Variants in C6orf58 observed in about 807,000 individuals in gnomAD.
The protein encoded by C6orf58 is protein LEG1 homolog.
In C6orf58, 30 loss-of-function variants were observed where a neutral mutation model predicts 37.0. The observed-to-expected ratio is 0.81, with a 90% confidence interval of 0.61 to 1.10. C6orf58 has a LOEUF of 1.10. Ranked by LOEUF, C6orf58 falls within the 50% of genes least tolerant of loss-of-function variation. The pLI is 0.00. For missense variants in C6orf58, 368 were observed against 387.5 expected (o/e 0.95, Z 0.42); for synonymous variants, 143 against 134.1 (o/e 1.07, Z -0.46).
intron 4 of C6orf58, among the ~76,000 whole-genome samples, chr6:127,585,103 A>C (rs922805437): frequency 1.3e-5 from 2 of 152,228 alleles, no homozygotes; most frequent in African/African-American, 2.4e-5. Flanking sequence ...TTTCTGGAAC[A>C]TATATTAATA....
rs1775034694 is a variant in C6orf58, at chr6:127,580,271, A to G, written c.395A>G (p.Asn132Ser). The change falls in exon 3 of 6, where the codon AAT (asparagine) becomes AGT (serine). Residue 132 changes from asparagine to serine, a missense_variant. Coordinates refer to ENST00000329722, the MANE Select transcript of C6orf58 (RefSeq NM_001010905.3). ...AAATCTTTTGTTCTTACAGATTTGA[A>G]TTATTTTCTGTCTTCATTACCCTTT... Reference protein sequence around the residue: ...ISVDSWWADLNYFLSSLPFLA... With the variant: ...ISVDSWWADLSYFLSSLPFLA... 1.9e-6 allele frequency: 3 copies of G among 1,608,622 alleles called. No individual in the cohort carries two copies. Among genetic ancestry groups the G allele is most frequent in the African/African-American group, 1.3e-5 (1 of 74,738 alleles).
chr6:127,582,084 A>T (rs1775056153), intron 4 of C6orf58, among the ~76,000 whole-genome samples: 1 of 152,188 alleles, frequency 6.6e-6, no homozygotes. Flanking sequence ...GGGCATTGAC[A>T]TCACTCTCTG....
At chr6:127,582,361 T>C (rs547144178) in intron 4 of C6orf58, among the ~76,000 whole-genome samples, 6 of 152,242 alleles carry the variant, frequency 3.9e-5, no homozygotes, top group African/African-American at 1.4e-4. Context: ...AAATCAAATA[T>C]ATAAATAATA....
At position 127,581,248 on chromosome 6, in the gene C6orf58, A is replaced by G. The variant is rs553627009; in HGVS notation, c.640A>G (p.Thr214Ala). 6 of 1,527,044 alleles carry G rather than the reference A, an allele frequency of 3.9e-6. No homozygotes were observed. Among genetic ancestry groups the G allele is most frequent in the East Asian group, 2.4e-5 (1 of 41,728 alleles). 94.6% of individuals were successfully genotyped at this position (1,527,044 alleles called of 1,614,324 possible). A position where few individuals can be genotyped will look rare whatever the true frequency, so the allele number is the denominator to read the frequency against. The change falls in exon 4 of 6, where the codon ACC (threonine) becomes GCC (alanine). Residue 214 changes from threonine to alanine, a missense_variant. Physicochemically the swap from Thr to Ala is moderately conservative, Grantham distance 58 (BLOSUM62 0). Transcript: ENST00000329722. ...GTACTTATGGGCTGCACACACTTCA[A>G]CCTTGGCAGATAATATCAAAAGTTT... ...LKYLWAAHTS[T>A]LADNIKSFED...
intron 4 of C6orf58, among the ~76,000 whole-genome samples, chr6:127,586,741 A>T (rs576778631): frequency 6.6e-6 from 1 of 152,216 alleles, no homozygotes; most frequent in Non-Finnish European, 1.5e-5. Flanking sequence ...GTATTATTGA[A>T]GTCAAGAGAG....
chr6:127,586,136 C>T (rs1355555826), intron 4 of C6orf58, among the ~76,000 whole-genome samples: 2 of 152,124 alleles, frequency 1.3e-5, no homozygotes, highest in Admixed American at 6.5e-5. Context: ...ACTGATAAAT[C>T]TATGAATTAT....
intron 4 of C6orf58, among the ~76,000 whole-genome samples, chr6:127,588,384 A>C (rs533097918): frequency 1.2e-4 from 19 of 152,320 alleles, no homozygotes; most frequent in African/African-American, 4.6e-4. Flanking sequence ...AATTGTAGGG[A>C]TTGGAGAACA....
chr6:127,585,219 T>A (rs1237365846), intron 4 of C6orf58, among the ~76,000 whole-genome samples: 1 of 152,214 alleles, frequency 6.6e-6, no homozygotes, highest in Non-Finnish European at 1.5e-5. Context: ...AACATCTCTC[T>A]TTTTGTAAGG....
At chr6:127,587,164 G>A (rs531535119) in intron 4 of C6orf58, among the ~76,000 whole-genome samples, 5 of 152,012 alleles carry the variant, frequency 3.3e-5, no homozygotes, top group South Asian at 2.1e-4. Context: ...TGTTCCCCAC[G>A]TGTTCTGATT....
Position 127,590,338 on chromosome 6 carries a change from A to T in C6orf58, c.913+13A>T. 6.7e-7 allele frequency: 1 copy of T among 1,485,658 alleles called. No homozygotes were observed. The highest frequency in any genetic ancestry group is 9.3e-7 in the Non-Finnish European group (1 of 1,075,122). 92.0% of individuals were successfully genotyped at this position (1,485,658 alleles called of 1,614,324 possible). Reference sequence around the variant, plus strand: ...GATAAATCTATAGGTAAGAACCTTAAAAGGATACTTTTAAAAATCAGTATT... The same window carrying T: ...GATAAATCTATAGGTAAGAACCTTATAAGGATACTTTTAAAAATCAGTATT... On this transcript the variant is annotated intron_variant, in intron 5 of 5. Coordinates refer to ENST00000329722, the MANE Select transcript of C6orf58 (RefSeq NM_001010905.3).
intron 4 of C6orf58, among the ~76,000 whole-genome samples, chr6:127,588,726 C>T (rs1775131126): frequency 6.6e-6 from 1 of 152,142 alleles, no homozygotes; most frequent in South Asian, 2.1e-4. Flanking sequence ...TTCTTCACTG[C>T]TCTTGTGATT....
chr6:127,589,715 T>G (rs2114301419), intron 4 of C6orf58, among the ~76,000 whole-genome samples: 1 of 152,304 alleles, frequency 6.6e-6, no homozygotes, highest in South Asian at 2.1e-4. Flanking sequence ...ACAAAGGATA[T>G]TTGAGTCTAG....
At position 127,581,350 on chromosome 6, in the gene C6orf58, TTTC is replaced by T. The variant is rs1583128310; in HGVS notation, c.674+79_674+81del. On this transcript the variant is annotated intron_variant, in intron 4 of 5. Coordinates refer to ENST00000329722, the MANE Select transcript of C6orf58 (RefSeq NM_001010905.3). Reference sequence around the variant, plus strand: ...TAATTTTGGGCATTATTTATATATTTTTCTTCTTCTTCTAGAGTGTTTTTCAAT... The same window carrying T: ...TAATTTTGGGCATTATTTATATATTTTTCTTCTTCTAGAGTGTTTTTCAAT... 7 of 620,332 alleles carry T rather than the reference TTTC, an allele frequency of 1.1e-5. No homozygotes were observed. The East Asian group carries it at 2.0e-4, about 17-fold the overall frequency. 38.4% of individuals were successfully genotyped at this position (620,332 alleles called of 1,614,324 possible).
rs1583127841 is a variant in C6orf58, at chr6:127,580,357, C to T, written c.481C>T (p.Pro161Ser). 2.5e-6 allele frequency: 4 copies of T among 1,612,840 alleles called. No individual in the cohort carries two copies. The highest frequency in any genetic ancestry group is 2.2e-5 in the East Asian group (1 of 44,826). ...ISSDQVRLLP[P>S]PKNERKFCYD... is the part of the protein sequence containing the mutation. The stretch of plus-strand genomic sequence containing the variant: ...ATCAGACCAAGTCAGGCTTTTGCCC[C>T]CACCCAAGAATGAGAGGAAGTTTTG... The change falls in exon 3 of 6, where the codon CCA (proline) becomes TCA (serine). Residue 161 changes from proline (P) to serine (S), a missense_variant. Coordinates refer to ENST00000329722, the MANE Select transcript of C6orf58 (RefSeq NM_001010905.3).
intron 2 of C6orf58, 69 bp from the exon 3 acceptor site, chr6:127,580,196 C>T: frequency 3.1e-5 from 38 of 1,225,510 alleles, no homozygotes; most frequent in East Asian, 1.5e-4. Flanking sequence ...TGACTTATGC[C>T]TTCCTTAAAA....
At chr6:127,581,721 A>G (rs563392812) in intron 4 of C6orf58, among the ~76,000 whole-genome samples, 1 of 152,264 alleles carries the variant, frequency 6.6e-6, no homozygotes, top group African/African-American at 2.4e-5. Context: ...AGCTTCACCC[A>G]GTGATGTGGG....
At chr6:127,587,471 T>A (rs3057131) in intron 4 of C6orf58, among the ~76,000 whole-genome samples, 2 of 152,282 alleles carry the variant, frequency 1.3e-5, no homozygotes, top group African/African-American at 4.8e-5. Flanking sequence ...AAAAGGTAAA[T>A]CTTTTAATAT....
chr6:127,586,015 T>C (rs1005568383), intron 4 of C6orf58, among the ~76,000 whole-genome samples: 3 of 152,190 alleles, frequency 2.0e-5, no homozygotes, highest in South Asian at 2.1e-4. Context: ...TTTTCCTTAT[T>C]TCTAGTGATT....
In C6orf58 at chr6:127,579,410, T is replaced by C. The variant is rs531535149; in HGVS notation, c.388+638T>C. ...AGGGCAACACACATCATATGTATCC[T>C]TAAGCATTTTCCACTTACTACCCCT... is the stretch of plus-strand genomic sequence containing the variant. On this transcript the variant is annotated intron_variant, in intron 2 of 5. Transcript: ENST00000329722. Among the ~76,000 whole-genome samples, 4 of 152,216 alleles carry C rather than the reference T, an allele frequency of 2.6e-5. No individual in the cohort carries two copies. In the East Asian group the frequency reaches 7.7e-4, roughly 29 times the overall value.
Sources: allele counts gnomAD v4.1 joint callset (sites outside exome capture counted in the v4.1 genomes callset), GRCh38; gene constraint gnomAD v4.1.1; transcripts MANE v1.5; gene names NCBI Gene and HGNC (gene_info 2026-07-23, HGNC 2026-07-21).